C8orf34: variants seen among roughly 807,000 people sequenced by gnomAD.
The protein encoded by C8orf34 is uncharacterized protein C8orf34.
In C8orf34, 65 loss-of-function variants were observed where a neutral mutation model predicts 68.3. That is an observed-to-expected ratio of 0.95 (90% CI 0.78 to 1.17). C8orf34 has a LOEUF of 1.17. Ranked by LOEUF, C8orf34 falls within the 50% of genes most tolerant of loss-of-function variation. C8orf34 has a pLI of 0.00. For synonymous variants in C8orf34, 244 were observed against 241.2 expected, an observed-to-expected ratio of 1.01 and a Z score of -0.11; for missense variants, 664 against 655.4, an observed-to-expected ratio of 1.01 and a Z score of -0.14.
intron 10 of C8orf34, among the ~76,000 whole-genome samples, chr8:68,740,560 T>C (rs1822259846): frequency 6.6e-6 from 1 of 152,138 alleles, no homozygotes; most frequent in Non-Finnish European, 1.5e-5. Context: ...CCAGTCAGAA[T>C]GGCTATGATT....
At chr8:68,794,476 AATATAAATAT>A (rs1385984223) in intron 12 of C8orf34, among the ~76,000 whole-genome samples, 5 of 111,664 alleles carry the variant, frequency 4.5e-5, no homozygotes, top group African/African-American at 1.9e-4. Context: ...CCAGTATATA[AATATAAATAT>A]ATATATATAT....
At chr8:68,546,578 G>T (rs1815890517) in intron 7 of C8orf34, among the ~76,000 whole-genome samples, 1 of 151,740 alleles carries the variant, frequency 6.6e-6, no homozygotes, top group Admixed American at 6.6e-5. Flanking sequence ...TCATAGAAAA[G>T]TAGAGAAAAA....
intron 7 of C8orf34, among the ~76,000 whole-genome samples, chr8:68,581,123 C>A (rs547459005): frequency 6.6e-6 from 1 of 152,032 alleles, no homozygotes. Flanking sequence ...TTATGGGACA[C>A]GAGGGCCTTC....
chr8:68,468,818 G>T lies in C8orf34; in HGVS notation c.734G>T (p.Arg245Leu). Residue 245 changes from arginine (R) to leucine (L), a missense_variant and splice_region_variant, in exon 4 of 14, where the codon CGA becomes CTA. Arg to Leu is a moderately radical substitution (Grantham distance 102). Coordinates refer to ENST00000518698, the MANE Select transcript of C8orf34 (RefSeq NM_052958.4). ...GGGAAAGCCCTTGAGAATCTCTCTCGAAGTAAGTTCATTTACTTGATTATA... is the reference window on the plus strand; with the variant it reads ...GGGAAAGCCCTTGAGAATCTCTCTCTAAGTAAGTTCATTTACTTGATTATA... ...KLGKALENLS[R>L]SIAISDELDK... is the part of the protein sequence containing the mutation. 1 of 1,608,326 alleles carries T rather than the reference G, an allele frequency of 6.2e-7. No individual in the cohort carries two copies. The highest frequency in any genetic ancestry group is 8.5e-7 in the Non-Finnish European group (1 of 1,177,852).
intron 1 of C8orf34, among the ~76,000 whole-genome samples, chr8:68,347,209 T>G (rs1806320203): frequency 6.6e-6 from 1 of 151,948 alleles, no homozygotes; most frequent in Non-Finnish European, 1.5e-5. Context: ...TGAGAACATG[T>G]GGTATTTGGT....
At chr8:68,636,086 G>T (rs1243907662) in intron 7 of C8orf34, among the ~76,000 whole-genome samples, 1 of 152,170 alleles carries the variant, frequency 6.6e-6, no homozygotes, top group Non-Finnish European at 1.5e-5. Context: ...CTGATTGGAA[G>T]TTGTTGGCAT....
At chr8:68,523,563 A>T (rs753489936) in intron 6 of C8orf34, among the ~76,000 whole-genome samples, 3 of 152,198 alleles carry the variant, frequency 2.0e-5, no homozygotes, top group Non-Finnish European at 4.4e-5. Flanking sequence ...CACTGTGACA[A>T]GAAAGAGCTG....
Position 68,445,180 on chromosome 8 carries a change from A to C in C8orf34, c.476-1149A>C, listed in dbSNP as rs113922289. Among the ~76,000 whole-genome samples, 1,315 of 152,314 alleles carry C rather than the reference A, an allele frequency of 8.6e-3. 19 individuals carry two copies. The highest frequency in any genetic ancestry group is 0.029 in the African/African-American group (1,211 of 41,574). Reference sequence around the variant, plus strand: ...ATTTTGGAGGTGGACAAATTGGGTAACAGCTAGTTAAGTACAACCTTAACA... The same window carrying C: ...ATTTTGGAGGTGGACAAATTGGGTACCAGCTAGTTAAGTACAACCTTAACA... On this transcript the variant is annotated intron_variant, in intron 2 of 13. Coordinates refer to ENST00000518698, the MANE Select transcript of C8orf34 (RefSeq NM_052958.4).
In C8orf34 at chr8:68,331,235, C is replaced by T; in HGVS notation, c.223C>T (p.Leu75Phe). The T allele has an allele frequency of 6.5e-7, 1 of 1,536,252 alleles. No homozygotes were observed. The highest frequency in any genetic ancestry group is 2.4e-5 in the East Asian group (1 of 40,878). ...CAGCGGAGGCGCACAGCCGCGCGTT[C>T]TCCCTGCACTCTCTTCGCGGTCCCA... The part of the protein sequence containing the change: ...VPSGGAQPRV[L>F]PALSSRSHLF... Residue 75 changes from leucine (L) to phenylalanine (F), a missense_variant, in exon 1 of 14, where the codon CTC (leucine) becomes TTC (phenylalanine). Coordinates refer to ENST00000518698, the MANE Select transcript of C8orf34 (RefSeq NM_052958.4).
intron 1 of C8orf34, among the ~76,000 whole-genome samples, chr8:68,421,547 T>G (rs1233387266): frequency 6.6e-6 from 1 of 152,180 alleles, no homozygotes; most frequent in Non-Finnish European, 1.5e-5. Context: ...ATCATCATCA[T>G]GAGCCATTTG....
chr8:68,689,792 T>A (rs1158195373), intron 8 of C8orf34, among the ~76,000 whole-genome samples: 2 of 152,010 alleles, frequency 1.3e-5, no homozygotes, highest in African/African-American at 4.8e-5. Flanking sequence ...TTATCTCTAA[T>A]CCTTACAAAA....
intron 10 of C8orf34, among the ~76,000 whole-genome samples, chr8:68,745,005 A>C (rs1324516891): frequency 6.6e-6 from 1 of 152,210 alleles, no homozygotes; most frequent in East Asian, 1.9e-4. Context: ...TTACCCTGAA[A>C]GGGAAGCCCA....
chr8:68,584,472 T>G (rs1297238526), intron 7 of C8orf34, among the ~76,000 whole-genome samples: 1 of 152,192 alleles, frequency 6.6e-6, no homozygotes, highest in Non-Finnish European at 1.5e-5. Flanking sequence ...CATATAAATA[T>G]CCATTTTGAT....
chr8:68,456,027 C>T (rs573653195), intron 3 of C8orf34, among the ~76,000 whole-genome samples: 3 of 149,648 alleles, frequency 2.0e-5, no homozygotes, highest in East Asian at 3.9e-4. Context: ...AGGTGGATCA[C>T]GAGGTCAGGA....
At chr8:68,391,040 G>C (rs770020492) in intron 1 of C8orf34, among the ~76,000 whole-genome samples, 2 of 152,122 alleles carry the variant, frequency 1.3e-5, no homozygotes, top group Non-Finnish European at 2.9e-5. Context: ...GCTACAAAAT[G>C]TCTTTAGCAA....
At chr8:68,749,610 G>T (rs954172138) in intron 10 of C8orf34, among the ~76,000 whole-genome samples, 4 of 151,998 alleles carry the variant, frequency 2.6e-5, no homozygotes, top group Non-Finnish European at 5.9e-5. Flanking sequence ...ATCCATGTCT[G>T]CTCTTAGACC....
intron 10 of C8orf34, among the ~76,000 whole-genome samples, chr8:68,724,769 T>C (rs1821779139): frequency 6.6e-6 from 1 of 152,214 alleles, no homozygotes; most frequent in African/African-American, 2.4e-5. Flanking sequence ...TTATGACCTC[T>C]TAGCTTCATA....
At chr8:68,757,158 T>A (rs192451826) in intron 10 of C8orf34, among the ~76,000 whole-genome samples, 17 of 152,316 alleles carry the variant, frequency 1.1e-4, no homozygotes, top group Admixed American at 3.3e-4. Context: ...TTATTTATTT[T>A]TTTTTTATGA....
At position 68,505,688 on chromosome 8, in the gene C8orf34, G is replaced by A. The variant is rs570593788; in HGVS notation, c.766-16111G>A. Among the ~76,000 whole-genome samples the A allele has an allele frequency of 3.6e-5, 5 of 138,806 alleles. 1 individual carries two copies. Among genetic ancestry groups the A allele is most frequent in the African/African-American group, 1.5e-4 (5 of 32,826 alleles). 91.1% of individuals were successfully genotyped at this position (138,806 alleles called of 152,430 possible). On this transcript the variant is annotated intron_variant, in intron 5 of 13. Coordinates refer to ENST00000518698, the MANE Select transcript of C8orf34 (RefSeq NM_052958.4). Reference sequence around the variant, plus strand: ...GGAGCTTGCCGTGAGCCGAGATTGCGCCACTGCAGTCCGCAGTCCGGCCTG... The same window carrying A: ...GGAGCTTGCCGTGAGCCGAGATTGCACCACTGCAGTCCGCAGTCCGGCCTG...
Sources: gnomAD v4.1 joint callset for allele counts (sites outside exome capture counted in the v4.1 genomes callset) on GRCh38, gnomAD v4.1.1 for gene constraint, MANE v1.5 for transcripts, NCBI Gene and HGNC (gene_info 2026-07-23, HGNC 2026-07-21) for gene names.